Variants in EVA1A observed in about 807,000 individuals in gnomAD.
The protein encoded by EVA1A is protein eva-1 homolog A.
In EVA1A, 7 loss-of-function variants were observed where a neutral mutation model predicts 9.8. That is an observed-to-expected ratio of 0.71 (90% CI 0.41 to 1.34). EVA1A has a LOEUF of 1.34. EVA1A is among the 40% of genes most tolerant of loss of function. The pLI, the probability that EVA1A is intolerant of heterozygous loss-of-function variation, is 0.01. For missense variants in EVA1A, 206 were observed against 205.9 expected, an observed-to-expected ratio of 1.00 and a Z score of 0.00; for synonymous variants, 90 against 85.6, an observed-to-expected ratio of 1.05 and a Z score of -0.28.
At chr2:75,506,544 G>C (rs1674626386) in intron 3 of EVA1A, among the ~76,000 whole-genome samples, 1 of 152,174 alleles carries the variant, frequency 6.6e-6, no homozygotes, top group African/African-American at 2.4e-5. Context: ...ATGAGTGTCT[G>C]AAACCTTTTG....
At chr2:75,526,616 A>G (rs1486756799) in intron 1 of EVA1A, among the ~76,000 whole-genome samples, 4 of 152,226 alleles carry the variant, frequency 2.6e-5, no homozygotes, top group Admixed American at 1.3e-4. Flanking sequence ...CTTAACTTTG[A>G]AACTATACTT....
intron 3 of EVA1A, among the ~76,000 whole-genome samples, chr2:75,496,532 T>C (rs1473824910): frequency 6.6e-6 from 1 of 152,114 alleles, no homozygotes; most frequent in Non-Finnish European, 1.5e-5. Flanking sequence ...AAATTAGAAA[T>C]GTCACAAACA....
Position 75,521,267 on chromosome 2 carries a change from T to C in EVA1A, c.-69+1098A>G, listed in dbSNP as rs923975523. On this transcript the variant is annotated intron_variant, in intron 2 of 3. Transcript: ENST00000393913. ...AAAATTGTGCAGCCACTGTGGAAAATAGGATGACTATTCCTTAAAAAATGT... is the reference window on the plus strand; with the variant it reads ...AAAATTGTGCAGCCACTGTGGAAAACAGGATGACTATTCCTTAAAAAATGT... Among the ~76,000 whole-genome samples, 3 of 152,112 alleles carry C rather than the reference T, an allele frequency of 2.0e-5. No individual in the cohort carries two copies. The East Asian group carries it at 5.8e-4, about 29-fold the overall frequency.
chr2:75,536,014 C>A lies in EVA1A; in HGVS notation c.-191-13527G>T, dbSNP rs1030451916. On this transcript the variant is annotated intron_variant, in intron 1 of 3. Transcript: ENST00000393913. ...TCCTTTCTTTGATTATTTTCTCAGGCGTGGGCCACCGCACCCAGCCACTGC... is the reference window on the plus strand; with the variant it reads ...TCCTTTCTTTGATTATTTTCTCAGGAGTGGGCCACCGCACCCAGCCACTGC... Among the ~76,000 whole-genome samples the A allele has an allele frequency of 2.6e-5, 4 of 152,170 alleles. No homozygotes were observed. The South Asian group carries it at 8.3e-4, about 32-fold the overall frequency.
intron 1 of EVA1A, chr2:75,542,450 C>T (rs914045371): frequency 2.0e-5 from 3 of 152,256 alleles, no homozygotes; most frequent in Non-Finnish European, 4.4e-5. Context: ...CCATCACAGC[C>T]CAACATCAGG....
chr2:75,516,733 T>C lies in EVA1A; in HGVS notation c.85+1323A>G, dbSNP rs74953424. ...AGGTATCCTTTGGGTCTTTGGAAACTACAGACCCTCTCTGCCAGCCCCACT... is the reference window on the plus strand; with the variant it reads ...AGGTATCCTTTGGGTCTTTGGAAACCACAGACCCTCTCTGCCAGCCCCACT... On this transcript the variant is annotated intron_variant, in intron 3 of 3. Transcript: ENST00000393913. Among the ~76,000 whole-genome samples the C allele has an allele frequency of 5.7e-3, 867 of 152,312 alleles. 9 individuals are homozygous for C. Among genetic ancestry groups the C allele is most frequent in the African/African-American group, 0.02 (812 of 41,582 alleles).
At chr2:75,520,437 A>G (rs1363868963) in intron 2 of EVA1A, among the ~76,000 whole-genome samples, 1 of 152,232 alleles carries the variant, frequency 6.6e-6, no homozygotes, top group Non-Finnish European at 1.5e-5. Context: ...CCTGATTTCA[A>G]AACTTATTAT....
intron 3 of EVA1A, among the ~76,000 whole-genome samples, chr2:75,499,233 A>T (rs1328549064): frequency 6.6e-6 from 1 of 152,210 alleles, no homozygotes; most frequent in African/African-American, 2.4e-5. Flanking sequence ...CTCATTTATT[A>T]GTTAAATGAC....
intron 1 of EVA1A, among the ~76,000 whole-genome samples, chr2:75,529,803 C>G (rs923553935): frequency 2.6e-5 from 4 of 152,094 alleles, no homozygotes; most frequent in Admixed American, 1.3e-4. Flanking sequence ...TGAAAGAGCT[C>G]AAATAGACAA....
chr2:75,536,166 C>T (rs190984481), intron 1 of EVA1A, among the ~76,000 whole-genome samples: 15 of 152,060 alleles, frequency 9.9e-5, no homozygotes, highest in East Asian at 9.7e-4. Flanking sequence ...GGCAAAACCC[C>T]GTCTCTACAA....
At chr2:75,548,734 C>T (rs937097297) in intron 1 of EVA1A, among the ~76,000 whole-genome samples, 1 of 151,992 alleles carries the variant, frequency 6.6e-6, no homozygotes, top group African/African-American at 2.4e-5. Flanking sequence ...TGGACACCCC[C>T]AACCTAAACC....
chr2:75,508,622 C>A (rs371801245), intron 3 of EVA1A, among the ~76,000 whole-genome samples: 7 of 152,164 alleles, frequency 4.6e-5, no homozygotes, highest in African/African-American at 1.7e-4. Flanking sequence ...CGCCCTGCCT[C>A]CGCTTGCCTT....
chr2:75,554,169 C>A (rs1054177417), intron 1 of EVA1A, among the ~76,000 whole-genome samples: 2 of 152,172 alleles, frequency 1.3e-5, no homozygotes, highest in Non-Finnish European at 2.9e-5. Context: ...CAGCTACCAC[C>A]AGCCCCATCT....
chr2:75,533,077 G>C (rs769633125), intron 1 of EVA1A, among the ~76,000 whole-genome samples: 2 of 151,114 alleles, frequency 1.3e-5, no homozygotes, highest in Non-Finnish European at 2.9e-5. Context: ...CTAGGAGATC[G>C]AGACTGCAGT....
chr2:75,525,130 G>A lies in EVA1A; in HGVS notation c.-191-2643C>T, dbSNP rs898889665. ...ACAATGTATATATGTATGTATGCAC[G>A]CATGTATATATGTATGTGTACATGA... On this transcript the variant is annotated intron_variant, in intron 1 of 3. Coordinates refer to ENST00000393913, the MANE Select transcript of EVA1A (RefSeq NM_001135032.2). Among the ~76,000 whole-genome samples the A allele has an allele frequency of 1.1e-4, 17 of 151,868 alleles. No individual in the cohort carries two copies. In the South Asian group the frequency reaches 1.5e-3, roughly 13 times the overall value.
chr2:75,564,418 G>T (rs77690178), upstream of EVA1A, among the ~76,000 whole-genome samples: 3,686 of 152,342 alleles, frequency 0.024, 64 homozygotes, highest in Non-Finnish European at 0.034. Flanking sequence ...GGGGCTCTCA[G>T]TGTGAGCAGC....
intron 1 of EVA1A, chr2:75,540,943 A>C (rs185462737): frequency 6.6e-6 from 1 of 152,252 alleles, no homozygotes; most frequent in Non-Finnish European, 1.5e-5. Flanking sequence ...ATTGTCAAAA[A>C]CCTGGGACGC....
At position 75,492,652 on chromosome 2, in the gene EVA1A, A is replaced by G. The variant is rs1674072688; in HGVS notation, c.*584T>C. ...TAATACAATAGTTCTATTCATTTTC[A>G]TGAATGAGGTGGGAACTACACTAAA... On this transcript the variant is annotated 3_prime_UTR_variant, in exon 4 of 4. Transcript: ENST00000393913. The G allele has an allele frequency of 6.5e-6, 1 of 152,726 alleles. No individual in the cohort carries two copies. The highest frequency in any genetic ancestry group is 2.4e-5 in the African/African-American group (1 of 41,434). The allele number at this position is 152,726 out of a possible 1,614,324, so 9.5% of individuals were successfully genotyped here.
rs1221386884 is a variant in EVA1A at position 75,492,616 on chromosome 2, C to T, written c.*620G>A. On this transcript the variant is annotated 3_prime_UTR_variant, in exon 4 of 4. Coordinates refer to ENST00000393913, the MANE Select transcript of EVA1A (RefSeq NM_001135032.2). ...TTATTGACATTTTCTAGTTCACTGA[C>T]ACATCTCCCATAATACAATAGTTCT... The T allele has an allele frequency of 1.3e-5, 2 of 152,568 alleles. No homozygotes were observed. Among genetic ancestry groups the T allele is most frequent in the African/African-American group, 4.8e-5 (2 of 41,420 alleles). The allele number at this position is 152,568 out of a possible 1,614,324, so 9.5% of individuals were successfully genotyped here.
Sources: gnomAD v4.1 joint callset for allele counts (sites outside exome capture counted in the v4.1 genomes callset) on GRCh38, gnomAD v4.1.1 for gene constraint, MANE v1.5 for transcripts, NCBI Gene and HGNC (gene_info 2026-07-23, HGNC 2026-07-21) for gene names.